The following KMT2C variants were observed in gnomAD, a reference collection of about 807,000 sequenced individuals.
The protein encoded by KMT2C is lysine methyltransferase 2C, also known as histone-lysine N-methyltransferase 2C.
KMT2C carries 88 observed loss-of-function variants against 507.9 expected under a neutral mutation model. The observed-to-expected ratio is 0.17, with a 90% confidence interval of 0.15 to 0.21. The LOEUF (loss-of-function observed/expected upper bound fraction) is 0.21. KMT2C is among the 10% of genes least tolerant of loss of function. KMT2C has a pLI of 1.00. For synonymous variants in KMT2C, 2,049 were observed against 2,080.8 expected, an observed-to-expected ratio of 0.98 and a Z score of 0.42; for missense variants, 4,954 against 5,957.8, an observed-to-expected ratio of 0.83 and a Z score of 5.55.
At chr7:152,252,197 T>C (rs1588605825) in intron 10 of KMT2C, 107 bp from the exon 11 acceptor site, 3 of 800,898 alleles carry the variant, frequency 3.7e-6, no homozygotes, top group South Asian at 4.7e-5. Flanking sequence ...TAATTAAGTA[T>C]GAGAGGAGAG....
intron 6 of KMT2C, among the ~76,000 whole-genome samples, chr7:152,302,539 T>C (rs2096578779): frequency 6.6e-6 from 1 of 151,596 alleles, no homozygotes; most frequent in Non-Finnish European, 1.5e-5. Context: ...TCAGAAATAG[T>C]TAAGAAAACA....
chr7:152,250,593 T>G (rs534289243), intron 12 of KMT2C, among the ~76,000 whole-genome samples: 2 of 152,254 alleles, frequency 1.3e-5, no homozygotes, highest in East Asian at 3.9e-4. Context: ...ACTAAAGAAA[T>G]AAAAATACGA....
chr7:152,369,591 G>A (rs946253972), intron 1 of KMT2C, among the ~76,000 whole-genome samples: 13 of 152,148 alleles, frequency 8.5e-5, no homozygotes, highest in African/African-American at 2.9e-4. Context: ...GTTGTTAAGA[G>A]GGATTAATGT....
chr7:152,248,478 G>C lies in KMT2C; in HGVS notation c.1956C>G (p.Asn652Lys). ...QIEDKMEVTE[N>K]IEVVTHQITV... ...TGATCTGGTGTGTAACGACTTCAAT[G>C]TTTTCTGTCACTTCCATTTTATCTT... Residue 652 changes from asparagine to lysine, a missense_variant, in exon 14 of 59, where the codon AAC becomes AAG. Around this residue, in one of 29 missense-constraint regions of KMT2C, gnomAD observed 376 missense variants for 352.4 expected, o/e 1.07. Transcript: ENST00000262189. The C allele has an allele frequency of 6.2e-7, 1 of 1,614,010 alleles. No homozygotes were observed. Among genetic ancestry groups the C allele is most frequent in the South Asian group, 1.1e-5 (1 of 91,078 alleles).
In KMT2C at chr7:152,179,843, T is replaced by C. The variant is rs2093371503; in HGVS notation, c.7433A>G (p.His2478Arg). Residue 2478 changes from histidine to arginine, a missense_variant, in exon 37 of 59, where the codon CAT becomes CGT. Transcript: ENST00000262189. ...PDVASMGMRP[H>R]GFRFGFPGGS... ...AAATTAAAAGCATTACCTAAATCCA[T>C]GAGGTCTCATCCCCATACTAGCAAC... 13 of 1,613,360 alleles carry C rather than the reference T, an allele frequency of 8.1e-6. No individual in the cohort carries two copies. The highest frequency in any genetic ancestry group is 1.1e-5 in the South Asian group (1 of 91,006).
intron 1 of KMT2C, among the ~76,000 whole-genome samples, chr7:152,420,728 G>C (rs539589922): frequency 2.0e-5 from 3 of 151,866 alleles, no homozygotes; most frequent in Admixed American, 1.3e-4. Flanking sequence ...CCAGCTACTC[G>C]GGAAGCTGAG....
chr7:152,309,934 C>T, intron 6 of KMT2C, 32 bp downstream of exon 6: 1 of 1,323,174 alleles, frequency 7.6e-7, no homozygotes, highest in Non-Finnish European at 1.1e-6. Flanking sequence ...TGTTATAAAA[C>T]TATGATTTAA....
At chr7:152,368,326 A>AAC in intron 1 of KMT2C, 1 of 1,200,170 alleles carries the variant, frequency 8.3e-7, no homozygotes, top group Non-Finnish European at 1.2e-6. Context: ...TGATAACAAC[A>AAC]AGAATAAAGG....
At position 152,222,912 on chromosome 7, in the gene KMT2C, T is replaced by C. The variant is rs181747319; in HGVS notation, c.3324-230A>G. On this transcript the variant is annotated intron_variant, in intron 20 of 58. Coordinates refer to ENST00000262189, the MANE Select transcript of KMT2C (RefSeq NM_170606.3). Reference sequence around the variant, plus strand: ...ACTATTAGAGAGGAAGCAAAGCACATTACATAAGGAAGCTAATTATTTTAT... The same window carrying C: ...ACTATTAGAGAGGAAGCAAAGCACACTACATAAGGAAGCTAATTATTTTAT... 7.7e-3 allele frequency among the ~76,000 whole-genome samples: 1,169 copies of C among 152,288 alleles called. 9 individuals carry two copies. The highest frequency in any genetic ancestry group is 0.013 in the Non-Finnish European group (899 of 68,018).
At chr7:152,356,707 G>A (rs1203822677) in intron 2 of KMT2C, among the ~76,000 whole-genome samples, 9 of 151,312 alleles carry the variant, frequency 5.9e-5, no homozygotes, top group African/African-American at 9.7e-5. Context: ...TGGCCAATAT[G>A]GTGAAACCCC....
chr7:152,355,720 T>C (rs1344524914), intron 2 of KMT2C, among the ~76,000 whole-genome samples: 1 of 152,114 alleles, frequency 6.6e-6, no homozygotes, highest in Non-Finnish European at 1.5e-5. Context: ...ATCATTACAT[T>C]GACAAGAATA....
chr7:152,297,051 A>AAGAAAGAAAGAAAGAAAGAAAGAG (rs1356233143), intron 6 of KMT2C, among the ~76,000 whole-genome samples: 2 of 60,240 alleles, frequency 3.3e-5, no homozygotes, highest in Non-Finnish European at 3.3e-5. Flanking sequence ...GAAAGAAAGA[A>AAGAAAGAAAGAAAGAAAGAAAGAG]AGACAGAGAG....
At chr7:152,303,279 A>T (rs2096587354) in intron 6 of KMT2C, among the ~76,000 whole-genome samples, 1 of 152,224 alleles carries the variant, frequency 6.6e-6, no homozygotes, top group Non-Finnish European at 1.5e-5. Context: ...TTAACACAGG[A>T]ATAATATGTC....
chr7:152,245,677 C>T (rs62478312), intron 14 of KMT2C, among the ~76,000 whole-genome samples: 10 of 151,890 alleles, frequency 6.6e-5, no homozygotes, highest in Non-Finnish European at 1.3e-4. Context: ...TTAAAATGTT[C>T]GTTTAATTTT....
intron 23 of KMT2C, among the ~76,000 whole-genome samples, chr7:152,214,788 A>T (rs1405016478): frequency 6.6e-6 from 1 of 151,508 alleles, no homozygotes; most frequent in African/African-American, 2.4e-5. Flanking sequence ...AATGGTGGTT[A>T]TCAAGGGTCT....
At chr7:152,434,687 T>TCAA (rs1448671239) in intron 1 of KMT2C, among the ~76,000 whole-genome samples, 1 of 152,198 alleles carries the variant, frequency 6.6e-6, no homozygotes, top group African/African-American at 2.4e-5. Context: ...GCCGAGCAGT[T>TCAA]CGCTGGCACT....
At chr7:152,299,709 A>G (rs2096549426) in intron 6 of KMT2C, among the ~76,000 whole-genome samples, 1 of 151,770 alleles carries the variant, frequency 6.6e-6, no homozygotes, top group South Asian at 2.1e-4. Flanking sequence ...TAGAAAACAT[A>G]TAAGAAGACA....
intron 16 of KMT2C, among the ~76,000 whole-genome samples, chr7:152,232,544 G>C (rs1038859872): frequency 6.6e-6 from 1 of 151,974 alleles, no homozygotes; most frequent in African/African-American, 2.4e-5. Context: ...AAATAATATT[G>C]GCAATTTCAT....
intron 27 of KMT2C, among the ~76,000 whole-genome samples, chr7:152,196,966 T>C (rs1019920444): frequency 6.6e-6 from 1 of 152,158 alleles, no homozygotes; most frequent in Non-Finnish European, 1.5e-5. Flanking sequence ...TTAGAGATTA[T>C]GGGGAAGACT....
Sources: gnomAD v4.1 joint callset for allele counts (sites outside exome capture counted in the v4.1 genomes callset) on GRCh38, gnomAD v4.1.1 for gene constraint, gnomAD v4.1.1 regional missense constraint, MANE v1.5 for transcripts, NCBI Gene and HGNC (gene_info 2026-07-23, HGNC 2026-07-21) for gene names.